Variants in LRMDA observed in about 807,000 individuals in gnomAD.
LRMDA encodes the protein leucine-rich melanocyte differentiation-associated protein.
In LRMDA, 18 loss-of-function variants were observed where a neutral mutation model predicts 29.8. The ratio of observed to expected loss-of-function variants is 0.60; its 90% CI spans 0.42 to 0.90. The LOEUF is 0.90. Ranked by LOEUF, LRMDA falls within the 40% of genes least tolerant of loss-of-function variation. The pLI is 0.00. For missense variants in LRMDA, 273 were observed against 273.9 expected, an observed-to-expected ratio of 1.00 and a Z score of 0.02; for synonymous variants, 125 against 109.4, an observed-to-expected ratio of 1.14 and a Z score of -0.89.
chr10:75,656,496 T>A (rs1841676474), intron 2 of LRMDA, among the ~76,000 whole-genome samples: 1 of 152,214 alleles, frequency 6.6e-6, no homozygotes, highest in Non-Finnish European at 1.5e-5. Flanking sequence ...GTCCCCGTGC[T>A]TTGGGTTACT....
intron 2 of LRMDA, among the ~76,000 whole-genome samples, chr10:75,441,153 C>T (rs1844322595): frequency 6.6e-6 from 1 of 152,170 alleles, no homozygotes; most frequent in Admixed American, 6.5e-5. Context: ...GAGTGGATGA[C>T]CCAAGCTCTC....
intron 2 of LRMDA, among the ~76,000 whole-genome samples, chr10:75,489,748 C>T (rs373577040): frequency 2.0e-5 from 3 of 152,088 alleles, no homozygotes; most frequent in African/African-American, 4.8e-5. Context: ...GGCTTGAGTG[C>T]TAGAACTATT....
intron 5 of LRMDA, among the ~76,000 whole-genome samples, chr10:76,118,840 CT>C (rs962279433): frequency 0.23 from 10,754 of 46,344 alleles, 589 homozygotes; most frequent in East Asian, 0.38. Context: ...TGCAAATACA[CT>C]TTTTTTTTTT....
chr10:76,392,698 T>A (rs919985297), intron 6 of LRMDA, among the ~76,000 whole-genome samples: 1 of 152,150 alleles, frequency 6.6e-6, no homozygotes, highest in African/African-American at 2.4e-5. Context: ...GTAGTGAGAA[T>A]GCTCAAAATA....
At chr10:76,215,543 A>G (rs1851713611) in intron 5 of LRMDA, among the ~76,000 whole-genome samples, 1 of 152,176 alleles carries the variant, frequency 6.6e-6, no homozygotes, top group Non-Finnish European at 1.5e-5. Context: ...TTCTTGAAAA[A>G]AAAAAAAGTG....
At chr10:75,566,898 G>A (rs995581010) in intron 2 of LRMDA, among the ~76,000 whole-genome samples, 3 of 152,108 alleles carry the variant, frequency 2.0e-5, no homozygotes, top group Admixed American at 6.5e-5. Flanking sequence ...TACTCCTCTG[G>A]CCTTCCTTTG....
chr10:76,512,544 A>G (rs1843019426), intron 6 of LRMDA, among the ~76,000 whole-genome samples: 1 of 152,134 alleles, frequency 6.6e-6, no homozygotes, highest in African/African-American at 2.4e-5. Context: ...ATAAAGTTTC[A>G]CCCCTTCCTT....
chr10:75,488,755 G>T (rs1017649491), intron 2 of LRMDA, among the ~76,000 whole-genome samples: 1 of 152,106 alleles, frequency 6.6e-6, no homozygotes, highest in Non-Finnish European at 1.5e-5. Context: ...TGAAGCCAAA[G>T]GAAAATTTAG....
At chr10:75,572,363 T>C (rs1404781259) in intron 2 of LRMDA, among the ~76,000 whole-genome samples, 1 of 152,006 alleles carries the variant, frequency 6.6e-6, no homozygotes, top group Non-Finnish European at 1.5e-5. Flanking sequence ...TTCAGTGCAG[T>C]TATCGCCATT....
chr10:76,382,539 G>C (rs1332134008), intron 6 of LRMDA, among the ~76,000 whole-genome samples: 1 of 152,234 alleles, frequency 6.6e-6, no homozygotes, highest in African/African-American at 2.4e-5. Flanking sequence ...GAGAGGTGCT[G>C]TGGTTAGCTG....
intron 2 of LRMDA, among the ~76,000 whole-genome samples, chr10:75,620,983 C>T (rs956348480): frequency 2.6e-5 from 4 of 152,080 alleles, no homozygotes; most frequent in African/African-American, 4.8e-5. Flanking sequence ...TTTTATCCCT[C>T]ACCGCCTTCA....
rs1299061498 is a variant in LRMDA at position 75,916,171 on chromosome 10, T to TGC, written c.132-119836_132-119835insCG. On this transcript the variant is annotated intron_variant, in intron 2 of 6. Coordinates refer to ENST00000611255, the MANE Select transcript of LRMDA (RefSeq NM_001305581.2). ...ATGGCCATTGCCAGGCCTATGTGTG[T>TGC]GTGTGTGTGTGTGTGTGTGTGTGTG... Among the ~76,000 whole-genome samples, 110 of 78,634 alleles carry TGC rather than the reference T, an allele frequency of 1.4e-3. 1 individual carries two copies. The East Asian group carries it at 0.034, about 25-fold the overall frequency. The allele number at this position is 78,634 out of a possible 152,430, so 51.6% of individuals were successfully genotyped here.
At chr10:76,202,738 G>T (rs1013967464) in intron 5 of LRMDA, among the ~76,000 whole-genome samples, 1 of 151,898 alleles carries the variant, frequency 6.6e-6, no homozygotes. Context: ...TTTAGCTCAT[G>T]GAAGGGGAAC....
At chr10:75,925,836 A>G (rs1207164058) in intron 2 of LRMDA, among the ~76,000 whole-genome samples, 1 of 151,922 alleles carries the variant, frequency 6.6e-6, no homozygotes, top group East Asian at 1.9e-4. Flanking sequence ...TATTTTTTGT[A>G]GAGACAGGTT....
intron 5 of LRMDA, among the ~76,000 whole-genome samples, chr10:76,079,642 A>G (rs2132077979): frequency 6.6e-6 from 1 of 152,350 alleles, no homozygotes; most frequent in East Asian, 1.9e-4. Flanking sequence ...CCAAAGGGAA[A>G]GGCCCAAGAA....
chr10:75,436,771 G>A (rs1022744650), intron 1 of LRMDA, among the ~76,000 whole-genome samples: 11 of 152,144 alleles, frequency 7.2e-5, no homozygotes. Context: ...GCCTGGCCAA[G>A]AAGCTGCTGA....
In LRMDA at chr10:75,751,901, T is replaced by TGGGCTGGCA. The variant is rs1564558335; in HGVS notation, c.132-284107_132-284106insGGGCTGGCA. Among the ~76,000 whole-genome samples the TGGGCTGGCA allele has an allele frequency of 4.6e-5, 7 of 152,176 alleles. No individual in the cohort carries two copies. In the South Asian group the frequency reaches 6.2e-4, roughly 14 times the overall value. On this transcript the variant is annotated intron_variant, in intron 2 of 6. Transcript: ENST00000611255. ...CTGTGCATCCAGAGGCAGGCAAGGC[T>TGGGCTGGCA]TGGGCTGGCATGGACTTGCACAATG... is the stretch of plus-strand genomic sequence containing the variant.
chr10:75,577,013 A>G (rs1180671425), intron 2 of LRMDA, among the ~76,000 whole-genome samples: 1 of 152,208 alleles, frequency 6.6e-6, no homozygotes, highest in Non-Finnish European at 1.5e-5. Context: ...TCCAGCAAGG[A>G]AACAAAACTG....
Position 76,487,657 on chromosome 10 carries a change from A to G in LRMDA, c.602-69552A>G, listed in dbSNP as rs190454397. Among the ~76,000 whole-genome samples, 325 of 152,008 alleles carry G rather than the reference A, an allele frequency of 2.1e-3. 1 individual carries two copies. The highest frequency in any genetic ancestry group is 7.5e-3 in the African/African-American group (313 of 41,530). On this transcript the variant is annotated intron_variant, in intron 6 of 6. Coordinates refer to ENST00000611255, the MANE Select transcript of LRMDA (RefSeq NM_001305581.2). ...TATAAGACACACCTTCCAAGAATTT[A>G]CAATCTGTTAGTGGGATTGAGAAAT...
Sources: allele counts gnomAD v4.1 joint callset (sites outside exome capture counted in the v4.1 genomes callset), GRCh38; gene constraint gnomAD v4.1.1; transcripts MANE v1.5; gene names NCBI Gene and HGNC (gene_info 2026-07-23, HGNC 2026-07-21).